Variants in DOCK1 observed in about 807,000 individuals in gnomAD.
DOCK1 encodes dedicator of cytokinesis protein 1.
A neutral mutation model predicts 262.7 loss-of-function variants in DOCK1; 138 were observed. That is an observed-to-expected ratio of 0.53 (90% CI 0.46 to 0.61). The LOEUF (loss-of-function observed/expected upper bound fraction) is 0.61. Among genes scored for constraint, DOCK1 ranks in the 20% least tolerant of loss-of-function variants. The pLI is 0.00. For synonymous variants in DOCK1, 866 were observed against 867.4 expected, an observed-to-expected ratio of 1.00 and a Z score of 0.03; for missense variants, 1,908 against 2,370.7, an observed-to-expected ratio of 0.80 and a Z score of 4.05.
rs371919239 is a variant in DOCK1, at chr10:127,426,176, G to A, written c.4914+165G>A. Among the ~76,000 whole-genome samples the A allele has an allele frequency of 2.2e-4, 33 of 152,268 alleles. No homozygotes were observed. The East Asian group carries it at 5.8e-3, about 27-fold the overall frequency. ...GCCCCCTTGGGCAGTCTTGTCTACC[G>A]GCAACTCAGCAACCTCCTTTCAATA... On this transcript the variant is annotated intron_variant, in intron 47 of 51. Coordinates refer to ENST00000623213, the MANE Select transcript of DOCK1 (RefSeq NM_001290223.2).
At chr10:127,045,662 G>A (rs114080550) in intron 21 of DOCK1, among the ~76,000 whole-genome samples, 1,860 of 152,258 alleles carry the variant, frequency 0.012, 26 homozygotes, top group African/African-American at 0.033. Flanking sequence ...TCCGCACCTC[G>A]AGCTGTGTCT....
At chr10:127,416,922 A>AC (rs35476416) in intron 44 of DOCK1, among the ~76,000 whole-genome samples, 137,489 of 152,182 alleles carry the variant, frequency 0.9, 62,272 homozygotes, top group African/African-American at 0.97. Context: ...GGCTGGCCAC[A>AC]CCAGTGCATC....
chr10:127,023,038 G>A (rs2042555863), intron 13 of DOCK1, among the ~76,000 whole-genome samples, 162 bp from the exon 14 acceptor site: 1 of 152,158 alleles, frequency 6.6e-6, no homozygotes, highest in Admixed American at 6.5e-5. Context: ...AATTGCTCTT[G>A]TCATGTATTT....
intron 29 of DOCK1, among the ~76,000 whole-genome samples, chr10:127,284,528 G>A (rs2061077656): frequency 6.6e-6 from 1 of 152,168 alleles, no homozygotes; most frequent in Non-Finnish European, 1.5e-5. Flanking sequence ...GTTTAAAAGT[G>A]GTTCTTCCAG....
In DOCK1 at chr10:127,012,406, G is replaced by A. The variant is rs376718508; in HGVS notation, c.1201+32G>A. On this transcript the variant is annotated intron_variant, in intron 12 of 51. Coordinates refer to ENST00000623213, the MANE Select transcript of DOCK1 (RefSeq NM_001290223.2). The surrounding 1 kb of genome is among the most constrained non-coding windows in gnomAD (Gnocchi z 4.0). ...ATTTTCCTATTTTGTTTCTATCAGC[G>A]TGTATTTGCATGCGTTGGGGCAGTG... 41 of 1,607,386 alleles carry A rather than the reference G, an allele frequency of 2.6e-5. No homozygotes were observed. The East Asian group carries it at 3.6e-4, about 14-fold the overall frequency.
intron 25 of DOCK1, among the ~76,000 whole-genome samples, chr10:127,117,917 A>T (rs2049293803): frequency 6.6e-6 from 1 of 152,084 alleles, no homozygotes; most frequent in African/African-American, 2.4e-5. Flanking sequence ...GCAGTCTCCT[A>T]GGTTCTGCTT....
chr10:127,379,673 G>A (rs1013473592), intron 35 of DOCK1, among the ~76,000 whole-genome samples: 1 of 152,228 alleles, frequency 6.6e-6, no homozygotes, highest in Non-Finnish European at 1.5e-5. Flanking sequence ...GGCCCAGAAA[G>A]CTTTAAATCA....
At chr10:127,408,072 G>A (rs1014033775) in intron 40 of DOCK1, among the ~76,000 whole-genome samples, 2 of 152,114 alleles carry the variant, frequency 1.3e-5, no homozygotes, top group African/African-American at 2.4e-5. Context: ...GAGACCTGTT[G>A]TATCTTGCAA....
At chr10:127,355,556 C>T (rs2064104942) in intron 32 of DOCK1, among the ~76,000 whole-genome samples, 1 of 152,190 alleles carries the variant, frequency 6.6e-6, no homozygotes, top group Non-Finnish European at 1.5e-5. Context: ...CCAGGATCTC[C>T]AGGCCTCTGC....
chr10:127,026,682 G>T (rs1426661722), intron 16 of DOCK1, among the ~76,000 whole-genome samples: 3 of 152,138 alleles, frequency 2.0e-5, no homozygotes, highest in Non-Finnish European at 4.4e-5. Flanking sequence ...AGTCTTCCGT[G>T]TTGACTTGCC....
chr10:127,061,140 A>T (rs764647073), intron 22 of DOCK1, among the ~76,000 whole-genome samples: 3 of 152,166 alleles, frequency 2.0e-5, no homozygotes, highest in Admixed American at 1.3e-4. Flanking sequence ...AGGCAGGATA[A>T]TTGCTTGAAC....
At chr10:127,036,276 C>T (rs1035851357) in intron 18 of DOCK1, among the ~76,000 whole-genome samples, 3 of 152,166 alleles carry the variant, frequency 2.0e-5, no homozygotes, top group Non-Finnish European at 4.4e-5. Flanking sequence ...CACACTTGGG[C>T]GTCTTCCACG....
At chr10:127,262,102 C>T (rs538480858) in intron 29 of DOCK1, among the ~76,000 whole-genome samples, 53 of 106,612 alleles carry the variant, frequency 5.0e-4, no homozygotes, top group Middle Eastern at 8.2e-3. Context: ...CCGTGCTCCT[C>T]TGTGTGCATG....
In DOCK1 at chr10:127,444,124, A is replaced by G; in HGVS notation, c.5260-2A>G. 1 of 1,556,378 alleles carries G rather than the reference A, an allele frequency of 6.4e-7. No individual in the cohort carries two copies. The highest frequency in any genetic ancestry group is 8.7e-7 in the Non-Finnish European group (1 of 1,149,950). On this transcript the variant is annotated splice_acceptor_variant, in intron 49 of 51. Transcript: ENST00000623213. LOFTEE classifies it high-confidence loss of function. Reference sequence around the variant, plus strand: ...TGTGCTCTTTCTGTCCTTTTGATGTAGATAAGTCCCCTGCGGCCCCAGAGA... The same window carrying G: ...TGTGCTCTTTCTGTCCTTTTGATGTGGATAAGTCCCCTGCGGCCCCAGAGA...
chr10:127,328,338 T>G (rs2062830442), intron 29 of DOCK1, among the ~76,000 whole-genome samples: 1 of 152,256 alleles, frequency 6.6e-6, no homozygotes, highest in Non-Finnish European at 1.5e-5. Context: ...TAAGCATTTC[T>G]GCCTTGAACC....
intron 4 of DOCK1, 37 bp downstream of exon 4, chr10:126,982,010 A>G (rs1311763313): frequency 1.9e-6 from 3 of 1,608,508 alleles, no homozygotes; most frequent in East Asian, 4.5e-5. Flanking sequence ...AAGAATTGCA[A>G]GTACTATATT....
rs114462734 is a variant in DOCK1 at position 127,394,418 on chromosome 10, T to A, written c.3928-8637T>A. On this transcript the variant is annotated intron_variant, in intron 38 of 51. Transcript: ENST00000623213. The stretch of plus-strand genomic sequence containing the variant: ...CTAAAAATAGGAGTTTGGAGCAAAT[T>A]TCCATTTTTGGTCAAATGTTTGCAT... Among the ~76,000 whole-genome samples, 499 of 151,826 alleles carry A rather than the reference T, an allele frequency of 3.3e-3. 4 individuals are homozygous for A. Among genetic ancestry groups the A allele is most frequent in the African/African-American group, 0.011 (475 of 41,352 alleles).
At chr10:127,248,991 A>G (rs569254049) in intron 28 of DOCK1, among the ~76,000 whole-genome samples, 3 of 152,172 alleles carry the variant, frequency 2.0e-5, no homozygotes, top group Non-Finnish European at 4.4e-5. Context: ...GAGGTGGAAC[A>G]GTTTCATCCC....
chr10:127,212,810 C>CA (rs1419813369), intron 27 of DOCK1, among the ~76,000 whole-genome samples: 4,259 of 41,108 alleles, frequency 0.1, 63 homozygotes, highest in Non-Finnish European at 0.13. Context: ...CACCCCTTGC[C>CA]AAAAAAAAAA....
Sources: allele counts gnomAD v4.1 joint callset (sites outside exome capture counted in the v4.1 genomes callset), GRCh38; gene constraint gnomAD v4.1.1; non-coding constraint Gnocchi (gnomAD v3.1); transcripts MANE v1.5; gene names NCBI Gene and HGNC (gene_info 2026-07-23, HGNC 2026-07-21).